ATP8A1: variants seen among roughly 807,000 people sequenced by gnomAD.
ATP8A1 encodes the protein ATPase phospholipid transporting 8A1.
In ATP8A1, 90 loss-of-function variants were observed where a neutral mutation model predicts 177.7. The ratio of observed to expected loss-of-function variants is 0.51; its 90% CI spans 0.43 to 0.60. The LOEUF is 0.60. Ranked by LOEUF, ATP8A1 falls within the 20% of genes least tolerant of loss-of-function variation. The probability of loss-of-function intolerance (pLI) is 0.00; values close to 1 mark genes in which losing one functional copy is unlikely to be tolerated. For synonymous variants in ATP8A1, 493 were observed against 485.9 expected (o/e 1.01, Z -0.19); for missense variants, 1,072 against 1,392.8 (o/e 0.77, Z 3.67).
At chr4:42,610,370 T>C (rs561597966) in intron 5 of ATP8A1, among the ~76,000 whole-genome samples, 1 of 152,132 alleles carries the variant, frequency 6.6e-6, no homozygotes, top group African/African-American at 2.4e-5. Flanking sequence ...TATGTTAATA[T>C]AACTTATTTG....
intron 1 of ATP8A1, among the ~76,000 whole-genome samples, chr4:42,641,306 T>C (rs948765800): frequency 6.6e-6 from 1 of 152,194 alleles, no homozygotes; most frequent in Non-Finnish European, 1.5e-5. Flanking sequence ...ATAAATGTTT[T>C]TACTGCTTTT....
intron 12 of ATP8A1, among the ~76,000 whole-genome samples, chr4:42,576,409 A>G (rs1339998741): frequency 3.5e-5 from 5 of 143,362 alleles, no homozygotes; most frequent in Admixed American, 2.2e-4. Context: ...CCGGGTGGCA[A>G]AGCTCGCAGT....
At chr4:42,537,882 C>T (rs1347818628) in intron 20 of ATP8A1, among the ~76,000 whole-genome samples, 1 of 152,104 alleles carries the variant, frequency 6.6e-6, no homozygotes, top group African/African-American at 2.4e-5. Context: ...AATACCACCA[C>T]CATTCTTCAC....
intron 27 of ATP8A1, among the ~76,000 whole-genome samples, chr4:42,461,244 CTTTCTT>C (rs1416744946): frequency 2.4e-5 from 2 of 84,540 alleles, no homozygotes; most frequent in Non-Finnish European, 4.6e-5. Context: ...TCAATTTTTT[CTTTCTT>C]TTTTTTTTTT....
chr4:42,620,512 C>T (rs1737360580), intron 4 of ATP8A1, among the ~76,000 whole-genome samples: 1 of 152,042 alleles, frequency 6.6e-6, no homozygotes, highest in Admixed American at 6.6e-5. Context: ...TACTAGAAAC[C>T]ATAGCTAGAG....
In ATP8A1 at chr4:42,651,957, G is replaced by C. The variant is rs560632032; in HGVS notation, c.49+4868C>G. Among the ~76,000 whole-genome samples the C allele has an allele frequency of 7.9e-5, 12 of 152,288 alleles. No homozygotes were observed. In the East Asian group the frequency reaches 2.3e-3, roughly 29 times the overall value. The stretch of plus-strand genomic sequence containing the variant: ...GTTCAAACACCCATTTGATTTATCT[G>C]GGGCAGCTAAATAAAGAGACCTAAA... On this transcript the variant is annotated intron_variant, in intron 1 of 36. Transcript: ENST00000381668.
intron 18 of ATP8A1, among the ~76,000 whole-genome samples, chr4:42,550,016 G>C (rs958196414): frequency 6.6e-5 from 10 of 151,984 alleles, no homozygotes; most frequent in Non-Finnish European, 1.5e-4. Context: ...GTGGTAATTA[G>C]CACCCCAATC....
chr4:42,511,239 T>C (rs1230166833), intron 22 of ATP8A1, among the ~76,000 whole-genome samples: 2 of 152,212 alleles, frequency 1.3e-5, no homozygotes, highest in African/African-American at 4.8e-5. Flanking sequence ...GTTAGCTATA[T>C]AATGATCACT....
intron 1 of ATP8A1, among the ~76,000 whole-genome samples, chr4:42,641,763 T>G (rs1195895148): frequency 6.6e-6 from 1 of 152,208 alleles, no homozygotes; most frequent in Non-Finnish European, 1.5e-5. Context: ...ATCTGAATCA[T>G]TACAACTTTA....
chr4:42,480,645 C>T (rs560170780), intron 25 of ATP8A1, among the ~76,000 whole-genome samples: 166 of 152,228 alleles, frequency 1.1e-3, no homozygotes, highest in African/African-American at 3.4e-3. Flanking sequence ...GTAGATGTGC[C>T]TTTATTTAAT....
rs1712354794 is a variant in ATP8A1 at position 42,409,510 on chromosome 4, C to G, written c.*3406G>C. 6.6e-6 allele frequency: 1 copy of G among 152,074 alleles called. No individual in the cohort carries two copies. The highest frequency in any genetic ancestry group is 2.4e-5 in the African/African-American group (1 of 41,438). 9.4% of individuals were successfully genotyped at this position (152,074 alleles called of 1,614,324 possible). On this transcript the variant is annotated 3_prime_UTR_variant, in exon 37 of 37. Coordinates refer to ENST00000381668, the MANE Select transcript of ATP8A1 (RefSeq NM_006095.2). ...ACCTTAAGTCATTTACAAAAGAATT[C>G]CTGGTCCATGTGATGTGAATGGGCT...
At chr4:42,416,975 A>G (rs1268937098) in intron 35 of ATP8A1, among the ~76,000 whole-genome samples, 1 of 152,198 alleles carries the variant, frequency 6.6e-6, no homozygotes, top group African/African-American at 2.4e-5. Flanking sequence ...CATGGGTTTT[A>G]GTTTATAATG....
intron 7 of ATP8A1, among the ~76,000 whole-genome samples, chr4:42,590,217 C>T (rs751254839): frequency 5.9e-5 from 9 of 152,290 alleles, no homozygotes; most frequent in Non-Finnish European, 8.8e-5. Flanking sequence ...ATCACAGTAA[C>T]GTGCACTTTG....
chr4:42,503,284 A>C (rs1312853105), intron 24 of ATP8A1, among the ~76,000 whole-genome samples, 166 bp downstream of exon 24: 3 of 152,250 alleles, frequency 2.0e-5, no homozygotes, highest in Non-Finnish European at 4.4e-5. Flanking sequence ...GAATCAATTT[A>C]CATCAATGTG....
rs371013592 is a variant in ATP8A1, at chr4:42,492,192, CA to C, written c.2152-6525del. 6.2e-4 allele frequency among the ~76,000 whole-genome samples: 94 copies of C among 152,152 alleles called. No homozygotes were observed. In the East Asian group the frequency reaches 0.015, roughly 24 times the overall value. ...GTATACTTTGGCATTTAGGTCCAAACAAAAACAAGTATCCAGCATCTATACT... is the reference window on the plus strand; with the variant it reads ...GTATACTTTGGCATTTAGGTCCAAACAAAACAAGTATCCAGCATCTATACT... On this transcript the variant is annotated intron_variant, in intron 24 of 36. Coordinates refer to ENST00000381668, the MANE Select transcript of ATP8A1 (RefSeq NM_006095.2).
chr4:42,412,977 A>C lies in ATP8A1; in HGVS notation c.3434T>G (p.Val1145Gly). The change falls in exon 37 of 37, where the codon GTT (valine) becomes GGT (glycine). Residue 1145 changes from valine (V) to glycine (G), a missense_variant. Around this residue, in one of 5 missense-constraint regions of ATP8A1, gnomAD observed 316 missense variants for 459.1 expected, o/e 0.69. Coordinates refer to ENST00000381668, the MANE Select transcript of ATP8A1 (RefSeq NM_006095.2). ...TGCTCTTATCACTTCAGACTGTGAAACGATTCCATTTTCATCTTGAGAGAA... is the reference window on the plus strand; with the variant it reads ...TGCTCTTATCACTTCAGACTGTGAACCGATTCCATTTTCATCTTGAGAGAA... ...YAFSQDENGI[V>G]SQSEVIRAYD... The C allele has an allele frequency of 6.2e-7, 1 of 1,613,524 alleles. No homozygotes were observed.
chr4:42,419,919 T>C (rs1379481743), intron 35 of ATP8A1, among the ~76,000 whole-genome samples: 1 of 151,822 alleles, frequency 6.6e-6, no homozygotes, highest in African/African-American at 2.4e-5. Context: ...AGGAGAATGG[T>C]GTGAATCTGG....
At chr4:42,625,424 A>G (rs1261148449) in intron 3 of ATP8A1, 190 bp downstream of exon 3, 3 of 444,602 alleles carry the variant, frequency 6.7e-6, no homozygotes, top group African/African-American at 6.1e-5. Flanking sequence ...AACACCCAAA[A>G]TAAGCTGATA....
At chr4:42,471,769 A>G in intron 25 of ATP8A1, 1 of 417,524 alleles carries the variant, frequency 2.4e-6, no homozygotes, top group South Asian at 2.1e-5. Context: ...TAAAAATGGT[A>G]GCAAGCTCTT....
Sources: gnomAD v4.1 joint callset for allele counts (sites outside exome capture counted in the v4.1 genomes callset) on GRCh38, gnomAD v4.1.1 for gene constraint, gnomAD v4.1.1 regional missense constraint, MANE v1.5 for transcripts, NCBI Gene and HGNC (gene_info 2026-07-23, HGNC 2026-07-21) for gene names.